SKI: variants seen among roughly 807,000 people sequenced by gnomAD.
SKI encodes the protein ski oncogene.
In SKI, 23 loss-of-function variants were observed where a neutral mutation model predicts 59.3. The observed-to-expected ratio is 0.39, with a 90% CI of 0.28 to 0.55. The LOEUF is 0.55. Among genes scored for constraint, SKI ranks in the 20% least tolerant of loss-of-function variants. SKI has a pLI of 0.67. For synonymous variants in SKI, 673 were observed against 488.6 expected (o/e 1.38, Z -4.98); for missense variants, 1,017 against 1,038.9 (o/e 0.98, Z 0.29).
At chr1:2,286,763 C>CG (rs1414037142) in intron 1 of SKI, among the ~76,000 whole-genome samples, 1 of 152,132 alleles carries the variant, frequency 6.6e-6, no homozygotes, top group Non-Finnish European at 1.5e-5. Flanking sequence ...AGGCTCCGGT[C>CG]GTGGGCTAGT....
chr1:2,274,903 C>T (rs956898263), intron 1 of SKI, among the ~76,000 whole-genome samples: 1 of 152,342 alleles, frequency 6.6e-6, no homozygotes, highest in Admixed American at 6.5e-5. Context: ...GGGACAAGAC[C>T]CTTGTGAGGG....
intron 4 of SKI, 44 bp from the exon 5 acceptor site, chr1:2,304,249 C>G (rs761410340): frequency 6.4e-7 from 1 of 1,552,068 alleles, no homozygotes; most frequent in Non-Finnish European, 8.7e-7. Context: ...GTGGAGCTGC[C>G]GGGCACTTCC....
intron 1 of SKI, among the ~76,000 whole-genome samples, chr1:2,289,711 CT>C (rs1374694176): frequency 2.6e-5 from 4 of 152,090 alleles, no homozygotes; most frequent in African/African-American, 9.7e-5. Flanking sequence ...CTTGTCCAGC[CT>C]TTTGAGATGA....
chr1:2,237,591 G>C (rs542998850), intron 1 of SKI, among the ~76,000 whole-genome samples: 146 of 152,356 alleles, frequency 9.6e-4, no homozygotes, highest in Non-Finnish European at 1.6e-3. Context: ...TTGAGAGGAG[G>C]CTGACTGGGG....
rs970260072 is a variant in SKI at position 2,309,152 on chromosome 1, G to A, written c.*2387G>A. ...TGGCTGCAGGGCTGCTCTGGACTGA[G>A]GGGTCCCAGGCCCCGAGGGGTGCAC... On this transcript the variant is annotated 3_prime_UTR_variant, in exon 7 of 7. Transcript: ENST00000378536. The A allele has an allele frequency of 6.6e-6, 1 of 152,250 alleles. No homozygotes were observed. Among genetic ancestry groups the A allele is most frequent in the African/African-American group, 2.4e-5 (1 of 41,458 alleles). 9.4% of individuals were successfully genotyped at this position (152,250 alleles called of 1,614,324 possible).
intron 1 of SKI, among the ~76,000 whole-genome samples, chr1:2,271,395 A>G (rs1325954551): frequency 1.3e-5 from 2 of 151,926 alleles, no homozygotes; most frequent in Admixed American, 6.5e-5. Context: ...GGAGCCTGTT[A>G]TGGAGCCGCG....
intron 1 of SKI, among the ~76,000 whole-genome samples, chr1:2,264,068 G>GT (rs1639446275): frequency 1.3e-5 from 2 of 151,880 alleles, no homozygotes; most frequent in Admixed American, 6.6e-5. Context: ...GACCCAGAGT[G>GT]TTTTTTGTGG....
chr1:2,288,009 A>G lies in SKI; in HGVS notation c.970-14969A>G, dbSNP rs563255201. Among the ~76,000 whole-genome samples the G allele has an allele frequency of 2.7e-5, 4 of 149,066 alleles. No homozygotes were observed. In the South Asian group the frequency reaches 8.4e-4, roughly 31 times the overall value. On this transcript the variant is annotated intron_variant, in intron 1 of 6. Transcript: ENST00000378536. ...TTCTTTTTTTTTTTTCTTCCTTGAGACGGAGTTTCACTCTTGTTGCCCAGG... is the reference window on the plus strand; with the variant it reads ...TTCTTTTTTTTTTTTCTTCCTTGAGGCGGAGTTTCACTCTTGTTGCCCAGG...
intron 1 of SKI, among the ~76,000 whole-genome samples, chr1:2,235,294 T>G (rs1051184574): frequency 3.3e-5 from 5 of 152,204 alleles, no homozygotes; most frequent in Admixed American, 2.6e-4. Flanking sequence ...TCTGCCCACC[T>G]TGGCCTCCCA....
At chr1:2,283,923 G>A (rs1021745283) in intron 1 of SKI, among the ~76,000 whole-genome samples, 1 of 152,180 alleles carries the variant, frequency 6.6e-6, no homozygotes, top group Non-Finnish European at 1.5e-5. Context: ...CCACTGTGGC[G>A]TCCCCTTCCT....
chr1:2,230,964 T>A (rs1490660410), intron 1 of SKI, among the ~76,000 whole-genome samples: 2 of 151,816 alleles, frequency 1.3e-5, no homozygotes, highest in African/African-American at 4.8e-5. Flanking sequence ...GGAGGGTGCA[T>A]GTGTGTGTGC....
intron 1 of SKI, among the ~76,000 whole-genome samples, chr1:2,257,852 C>A (rs1639306087): frequency 2.0e-5 from 3 of 152,176 alleles, no homozygotes; most frequent in Non-Finnish European, 4.4e-5. Flanking sequence ...AATTCTCCTA[C>A]CTTAGCCTGC....
Position 2,304,278 on chromosome 1 carries a change from C to G in SKI, c.1475-15C>G, listed in dbSNP as rs753738554. 6.4e-7 allele frequency: 1 copy of G among 1,551,620 alleles called. No homozygotes were observed. The highest frequency in any genetic ancestry group is 8.7e-7 in the Non-Finnish European group (1 of 1,146,956). ...CACTTCCATGACTTTGTTTCTGTCTCTGCTTCCTCCTCAGTCACCTCCTCC... is the reference window on the plus strand; with the variant it reads ...CACTTCCATGACTTTGTTTCTGTCTGTGCTTCCTCCTCAGTCACCTCCTCC... On this transcript the variant is annotated splice_polypyrimidine_tract_variant and intron_variant, in intron 4 of 6. Transcript: ENST00000378536.
chr1:2,298,118 T>C (rs1640331220), intron 1 of SKI, among the ~76,000 whole-genome samples: 1 of 152,158 alleles, frequency 6.6e-6, no homozygotes, highest in South Asian at 2.1e-4. Context: ...TGTGGGCTGC[T>C]CAACCGCTCT....
At chr1:2,234,434 C>G (rs1029373163) in intron 1 of SKI, among the ~76,000 whole-genome samples, 8 of 152,212 alleles carry the variant, frequency 5.3e-5, no homozygotes, top group African/African-American at 1.9e-4. Flanking sequence ...TCAGCCGTCC[C>G]TGCGGCTATT....
intron 1 of SKI, among the ~76,000 whole-genome samples, chr1:2,264,565 G>A (rs1445074482): frequency 2.0e-5 from 3 of 151,918 alleles, no homozygotes; most frequent in Non-Finnish European, 2.9e-5. Flanking sequence ...CACTGCGTCC[G>A]GCCTGTTTTA....
chr1:2,299,854 G>A (rs1044725843), intron 1 of SKI, among the ~76,000 whole-genome samples: 1 of 152,240 alleles, frequency 6.6e-6, no homozygotes, highest in African/African-American at 2.4e-5. Flanking sequence ...CAAGGGTGGG[G>A]TGTGCATTTT....
At chr1:2,289,903 T>C (rs1640125280) in intron 1 of SKI, among the ~76,000 whole-genome samples, 3 of 151,330 alleles carry the variant, frequency 2.0e-5, no homozygotes, top group Admixed American at 2.0e-4. Flanking sequence ...AGGGTGAGCA[T>C]GGGGTGCTTG....
chr1:2,280,388 A>AT (rs397863137), intron 1 of SKI, among the ~76,000 whole-genome samples: 1 of 150,978 alleles, frequency 6.6e-6, no homozygotes. Flanking sequence ...AAAAAAAAAA[A>AT]GTCTGACCAC....
Sources: gnomAD v4.1 joint callset for allele counts (sites outside exome capture counted in the v4.1 genomes callset) on GRCh38, gnomAD v4.1.1 for gene constraint, MANE v1.5 for transcripts, NCBI Gene and HGNC (gene_info 2026-07-23, HGNC 2026-07-21) for gene names.